Variants in MYORG observed in about 807,000 individuals in gnomAD.
MYORG encodes the protein myogenesis regulating glycosidase.
A neutral mutation model predicts 49.8 loss-of-function variants in MYORG; 45 were observed. The ratio of observed to expected loss-of-function variants is 0.90; its 90% CI spans 0.71 to 1.16. The LOEUF (loss-of-function observed/expected upper bound fraction) is 1.16, where lower values mean the gene tolerates loss of function less well. Ranked by LOEUF, MYORG falls within the 50% of genes most tolerant of loss-of-function variation. The pLI is 0.00. For missense variants in MYORG, 1,110 were observed against 1,026.5 expected, an observed-to-expected ratio of 1.08 and a Z score of -1.11; for synonymous variants, 552 against 462.9, an observed-to-expected ratio of 1.19 and a Z score of -2.47.
chr9:34,369,296 C>G lies in MYORG; in HGVS notation c.*1503G>C, dbSNP rs1345413327. 3 of 152,178 alleles carry G rather than the reference C, an allele frequency of 2.0e-5. No homozygotes were observed. The highest frequency in any genetic ancestry group is 6.5e-5 in the Admixed American group (1 of 15,276). The allele number at this position is 152,178 out of a possible 1,614,324, so 9.4% of individuals were successfully genotyped here. Reference sequence around the variant, plus strand: ...CTGTTGATGGAAGCTAAAGTTCACCCTGTTTCCCACCGACCCGCTCTGGCA... The same window carrying G: ...CTGTTGATGGAAGCTAAAGTTCACCGTGTTTCCCACCGACCCGCTCTGGCA... On this transcript the variant is annotated 3_prime_UTR_variant, in exon 2 of 2. Transcript: ENST00000297625.
chr9:34,371,211 A>G lies in MYORG; in HGVS notation c.1733T>C (p.Leu578Pro). The G allele has an allele frequency of 6.2e-7, 1 of 1,610,604 alleles. No individual in the cohort carries two copies. The highest frequency in any genetic ancestry group is 8.5e-7 in the Non-Finnish European group (1 of 1,178,402). The change falls in exon 2 of 2, where the codon CTG (leucine) becomes CCG (proline). Residue 578 changes from leucine (L) to proline (P), a missense_variant. Physicochemically the swap from Leu to Pro is moderately conservative, Grantham distance 98 (BLOSUM62 -3). Transcript: ENST00000297625. Reference sequence around the variant, plus strand: ...GGCCGGCATAAAGGCGGCCACTTCCAGCCAGCGAATGTAGAGCTCGCGCTC... The same window carrying G: ...GGCCGGCATAAAGGCGGCCACTTCCGGCCAGCGAATGTAGAGCTCGCGCTC... ...VPERELYIRW[L>P]EVAAFMPAMQ...
At chr9:34,374,289 C>T (rs924374752) in intron 1 of MYORG, among the ~76,000 whole-genome samples, 2 of 152,310 alleles carry the variant, frequency 1.3e-5, no homozygotes, top group South Asian at 4.1e-4. Context: ...ACTTATCAAA[C>T]CATATCTATC....
At position 34,372,292 on chromosome 9, in the gene MYORG, C is replaced by T. The variant is rs778530560; in HGVS notation, c.652G>A (p.Asp218Asn). The change falls in exon 2 of 2, where the codon GAC (aspartate) becomes AAC (asparagine). Residue 218 changes from aspartate (D) to asparagine (N), a missense_variant. Transcript: ENST00000297625. ...TCGAGGATGCCCCCAAACGCGGCGT[C>T]GGAGGAGTAGACATCGCTGGTGACG... ...PFVTSDVYSS[D>N]AAFGGILERY... is the part of the protein sequence containing the mutation. 7 of 1,610,206 alleles carry T rather than the reference C, an allele frequency of 4.3e-6. No homozygotes were observed. The highest frequency in any genetic ancestry group is 4.2e-6 in the Non-Finnish European group (5 of 1,178,770).
rs377627995 is a variant in MYORG, at chr9:34,371,468, C to T, written c.1476G>A (p.Glu492=). 699 of 1,612,636 alleles carry T rather than the reference C, an allele frequency of 4.3e-4. No homozygotes were observed. The highest frequency in any genetic ancestry group is 1.5e-3 in the Middle Eastern group (9 of 6,062). ...DPSVWSRRYT[E]MALPFFSLAE... The stretch of plus-strand genomic sequence containing the variant: ...CCAGCGAGAAGAAGGGCAGCGCCAT[C>T]TCAGTGTAGCGCCGGCTCCAGACGC... The change falls in exon 2 of 2, where the codon GAG becomes GAA. Residue 492 remains glutamate, a synonymous_variant. Coordinates refer to ENST00000297625, the MANE Select transcript of MYORG (RefSeq NM_020702.5).
Position 34,376,027 on chromosome 9 carries a change from G to A in MYORG, c.-64+766C>T, listed in dbSNP as rs1399363620. Among the ~76,000 whole-genome samples, 1 of 152,252 alleles carries A rather than the reference G, an allele frequency of 6.6e-6. No homozygotes were observed. The highest frequency in any genetic ancestry group is 1.5e-5 in the Non-Finnish European group (1 of 68,044). Reference sequence around the variant, plus strand: ...CCCAGCCCAGCTCTCCACAGTGTAAGTTTTAGGAGATGGGAGATAATGATC... The same window carrying A: ...CCCAGCCCAGCTCTCCACAGTGTAAATTTTAGGAGATGGGAGATAATGATC... On this transcript the variant is annotated intron_variant, in intron 1 of 1. Transcript: ENST00000297625. This position sits in a 1 kb window ranked among gnomAD's most constrained non-coding sequence, Gnocchi z 4.4.
chr9:34,371,153 G>A lies in MYORG; in HGVS notation c.1791C>T (p.Asp597=). 6.2e-7 allele frequency: 1 copy of A among 1,608,532 alleles called. No homozygotes were observed. The part of the protein sequence containing the change: ...MQFSIPPWRY[D]AEVVAIAQKF... ...TCTGCGCGATGGCCACCACTTCCGC[G>A]TCGTAGCGCCAGGGCGGGATAGAGA... The change falls in exon 2 of 2, where the codon GAC becomes GAT. Residue 597 remains aspartate (D), a synonymous_variant. Coordinates refer to ENST00000297625, the MANE Select transcript of MYORG (RefSeq NM_020702.5).
rs1444644410 is a variant in MYORG, at chr9:34,371,562, T to C, written c.1382A>G (p.Lys461Arg). ...GTAGCTGACCTCGCCCGCGTCGAACTTGAAGGAAGCCACGGAGTAGCGAGA... is the reference window on the plus strand; with the variant it reads ...GTAGCTGACCTCGCCCGCGTCGAACCTGAAGGAAGCCACGGAGTAGCGAGA... ...LRSRYSVASFKFDAGEVSYLP... is the reference protein window; with the variant it reads ...LRSRYSVASFRFDAGEVSYLP... Residue 461 changes from lysine (K) to arginine (R), a missense_variant, in exon 2 of 2, where the codon AAG becomes AGG. Coordinates refer to ENST00000297625, the MANE Select transcript of MYORG (RefSeq NM_020702.5). The C allele has an allele frequency of 1.9e-6, 3 of 1,605,142 alleles. No homozygotes were observed. The Admixed American group carries it at 5.0e-5, about 27-fold the overall frequency.
In MYORG at chr9:34,371,588, G is replaced by C; in HGVS notation, c.1356C>G (p.Arg452=). 2 of 1,604,204 alleles carry C rather than the reference G, an allele frequency of 1.2e-6. No homozygotes were observed. The highest frequency in any genetic ancestry group is 1.7e-6 in the Non-Finnish European group (2 of 1,178,584). ...DWFQGHLRRL[R]SRYSVASFKF... ...TGAAGGAAGCCACGGAGTAGCGAGA[G>C]CGCAGCCGCCGCAGGTGTCCCTGGA... The change falls in exon 2 of 2, where the codon CGC becomes CGG. Residue 452 remains arginine, a synonymous_variant. Transcript: ENST00000297625.
intron 1 of MYORG, among the ~76,000 whole-genome samples, chr9:34,375,444 A>C (rs919212553): frequency 3.3e-5 from 5 of 152,204 alleles, no homozygotes; most frequent in Non-Finnish European, 5.9e-5. Flanking sequence ...TCCTATATAG[A>C]TACAGCTTAG....
Position 34,370,503 on chromosome 9 carries a change from C to G in MYORG, c.*296G>C, listed in dbSNP as rs1409630909. On this transcript the variant is annotated 3_prime_UTR_variant, in exon 2 of 2. Coordinates refer to ENST00000297625, the MANE Select transcript of MYORG (RefSeq NM_020702.5). ...CCATGTATAACAGGAAGAGAGCTGA[C>G]CTTTTTCCTCTAAGCTCTCTGGCTT... 2.8e-6 allele frequency: 1 copy of G among 355,154 alleles called. No homozygotes were observed. Among genetic ancestry groups the G allele is most frequent in the African/African-American group, 2.0e-5 (1 of 48,930 alleles). The allele number at this position is 355,154 out of a possible 1,614,324, so 22.0% of individuals were successfully genotyped here. A position where few individuals can be genotyped will look rare whatever the true frequency, so the allele number is the denominator to read the frequency against.
In MYORG at chr9:34,372,901, G is replaced by A. The variant is rs375608013; in HGVS notation, c.43C>T (p.Arg15Cys). The change falls in exon 2 of 2, where the codon CGC (arginine) becomes TGC (cysteine). Residue 15 changes from arginine (R) to cysteine (C), a missense_variant. Arg to Cys is a radical substitution (Grantham distance 180). Coordinates refer to ENST00000297625, the MANE Select transcript of MYORG (RefSeq NM_020702.5). Reference protein sequence around the residue: ...PQEKSQAYPRRRRPGCYAYRQ... With the variant: ...PQEKSQAYPRCRRPGCYAYRQ... ...TATGCGTAGCAGCCAGGCCGGCGGC[G>A]GCGGGGGTAGGCCTGGCTCTTCTCC... is the stretch of plus-strand genomic sequence containing the variant. 1.1e-5 allele frequency: 17 copies of A among 1,613,862 alleles called. No individual in the cohort carries two copies. Among genetic ancestry groups the A allele is most frequent in the African/African-American group, 6.7e-5 (5 of 75,068 alleles).
At position 34,372,595 on chromosome 9, in the gene MYORG, A is replaced by AGCGGAAGGCCAG. The variant is rs775762093; in HGVS notation, c.337_348dup (p.Leu113_Arg116dup). ...CAGGAGTCAAGGTCCAGCGCGCCGG[A>AGCGGAAGGCCAG]GCGGAAGGCCAGGCGGAAGACCTGC... On this transcript the variant is annotated inframe_insertion, in exon 2 of 2. Transcript: ENST00000297625. The AGCGGAAGGCCAG allele has an allele frequency of 1.5e-5, 24 of 1,604,030 alleles. No individual in the cohort carries two copies. The East Asian group carries it at 2.0e-4, about 14-fold the overall frequency.
Position 34,372,874 on chromosome 9 carries a change from G to C in MYORG, c.70C>G (p.Arg24Gly), listed in dbSNP as rs761266634. The change falls in exon 2 of 2, where the codon CGT becomes GGT. Residue 24 changes from arginine to glycine, a missense_variant. Physicochemically the swap from Arg to Gly is moderately radical, Grantham distance 125 (BLOSUM62 -2). Transcript: ENST00000297625. ...RRRRPGCYAY[R>G]QNPEAIAAAA... The stretch of plus-strand genomic sequence containing the variant: ...GCTGCGATGGCCTCGGGGTTCTGAC[G>C]GTATGCGTAGCAGCCAGGCCGGCGG... 2 of 1,613,854 alleles carry C rather than the reference G, an allele frequency of 1.2e-6. No homozygotes were observed. Among genetic ancestry groups the C allele is most frequent in the African/African-American group, 2.7e-5 (2 of 74,938 alleles).
rs1820544576 is a variant in MYORG at position 34,369,074 on chromosome 9, A to G, written c.*1725T>C. ...AAAATCATCAGCTCTCATGAGATCT[A>G]TTCACTATCACCAGAACAGTATGGC... On this transcript the variant is annotated 3_prime_UTR_variant, in exon 2 of 2. Transcript: ENST00000297625. The G allele has an allele frequency of 1.3e-5, 2 of 152,236 alleles. No homozygotes were observed. Among genetic ancestry groups the G allele is most frequent in the Non-Finnish European group, 2.9e-5 (2 of 68,056 alleles). The allele number at this position is 152,236 out of a possible 1,614,324, so 9.4% of individuals were successfully genotyped here.
chr9:34,373,598 G>A (rs1208950188), intron 1 of MYORG, among the ~76,000 whole-genome samples: 3 of 152,098 alleles, frequency 2.0e-5, no homozygotes, highest in Non-Finnish European at 2.9e-5. Context: ...GATTAAAGGC[G>A]CACACCACCA....
chr9:34,372,548 C>T lies in MYORG; in HGVS notation c.396G>A (p.Leu132=), dbSNP rs1281861516. 2 of 1,602,484 alleles carry T rather than the reference C, an allele frequency of 1.2e-6. No individual in the cohort carries two copies. Among genetic ancestry groups the T allele is most frequent in the Non-Finnish European group, 1.7e-6 (2 of 1,175,326 alleles). The change falls in exon 2 of 2, where the codon CTG becomes CTA. Residue 132 remains leucine (L), a synonymous_variant. Coordinates refer to ENST00000297625, the MANE Select transcript of MYORG (RefSeq NM_020702.5). ...GCCCGTCGGCCGTGAGCGAGCAGCC[C>T]AGCAGGGCGCCATCGCGGCTGCAGG... The part of the protein sequence containing the change: ...LDSCSRDGAL[L]GCSLTADGLP...
In MYORG at chr9:34,370,869, T is replaced by C. The variant is rs372977128; in HGVS notation, c.2075A>G (p.Lys692Arg). ...WRSYKGELFD[K>R]TPVLLTDYPV... ...GTAATCGGTGAGCAGCACCGGCGTC[T>C]TGTCGAAAAGCTCACCCTTGTAGCT... is the stretch of plus-strand genomic sequence containing the variant. Residue 692 changes from lysine to arginine, a missense_variant, in exon 2 of 2, where the codon AAG becomes AGG. Transcript: ENST00000297625. 6.7e-5 allele frequency: 108 copies of C among 1,607,750 alleles called. No individual in the cohort carries two copies. Among genetic ancestry groups the C allele is most frequent in the Non-Finnish European group, 7.8e-5 (92 of 1,174,892 alleles).
At position 34,370,890 on chromosome 9, in the gene MYORG, T is replaced by C. The variant is rs1332508456; in HGVS notation, c.2054A>G (p.Tyr685Cys). Residue 685 changes from tyrosine to cysteine, a missense_variant, in exon 2 of 2, where the codon TAC (tyrosine) becomes TGC (cysteine). Coordinates refer to ENST00000297625, the MANE Select transcript of MYORG (RefSeq NM_020702.5). ...CGTCTTGTCGAAAAGCTCACCCTTG[T>C]AGCTGCGCCACTTGCCGGCGGGCAA... is the stretch of plus-strand genomic sequence containing the variant. Reference protein sequence around the residue: ...VYLPAGKWRSYKGELFDKTPV... With the variant: ...VYLPAGKWRSCKGELFDKTPV... 6.2e-7 allele frequency: 1 copy of C among 1,613,328 alleles called. No homozygotes were observed.
Position 34,370,582 on chromosome 9 carries a change from G to GCA in MYORG, c.*215_*216dup, listed in dbSNP as rs1218919483. 11 of 773,052 alleles carry GCA rather than the reference G, an allele frequency of 1.4e-5. No individual in the cohort carries two copies. The East Asian group carries it at 2.8e-4, about 20-fold the overall frequency. 47.9% of individuals were successfully genotyped at this position (773,052 alleles called of 1,614,324 possible). On this transcript the variant is annotated 3_prime_UTR_variant, in exon 2 of 2. Coordinates refer to ENST00000297625, the MANE Select transcript of MYORG (RefSeq NM_020702.5). ...TGGTGTGAGTGTGGGGGTGGAAAGG[G>GCA]CACAGTAAGGATTGTGCGTTGGAGC...
Sources: gnomAD v4.1 joint callset for allele counts (sites outside exome capture counted in the v4.1 genomes callset) on GRCh38, gnomAD v4.1.1 for gene constraint, Gnocchi (gnomAD v3.1) non-coding constraint, MANE v1.5 for transcripts, NCBI Gene and HGNC (gene_info 2026-07-23, HGNC 2026-07-21) for gene names.